OPCML: variants seen among roughly 807,000 people sequenced by gnomAD.
The protein encoded by OPCML is opioid-binding protein/cell adhesion molecule.
OPCML carries 13 observed loss-of-function variants against 37.8 expected under a neutral mutation model. The observed-to-expected ratio is 0.34, with a 90% confidence interval of 0.22 to 0.55. The LOEUF (loss-of-function observed/expected upper bound fraction) is 0.55. Ranked by LOEUF, OPCML falls within the 20% of genes least tolerant of loss-of-function variation. OPCML has a pLI of 0.91. For synonymous variants in OPCML, 176 were observed against 168.8 expected, an observed-to-expected ratio of 1.04 and a Z score of -0.33; for missense variants, 341 against 435.6, an observed-to-expected ratio of 0.78 and a Z score of 1.93.
intron 1 of OPCML, among the ~76,000 whole-genome samples, chr11:133,091,442 C>T (rs1048286258): frequency 1.3e-4 from 20 of 152,180 alleles, no homozygotes; most frequent in African/African-American, 4.8e-4. Context: ...CAGTCACGCA[C>T]CTCTTCAATA....
At chr11:132,862,482 GAA>G (rs11387928) in intron 2 of OPCML, among the ~76,000 whole-genome samples, 8 of 127,996 alleles carry the variant, frequency 6.3e-5, no homozygotes, top group Non-Finnish European at 6.6e-5. Context: ...TCATCTATAC[GAA>G]AAAAAAAAAA....
At chr11:132,681,593 C>T (rs1273307603) in intron 2 of OPCML, among the ~76,000 whole-genome samples, 4 of 152,164 alleles carry the variant, frequency 2.6e-5, no homozygotes, top group Non-Finnish European at 5.9e-5. Context: ...TTTCACCACC[C>T]TTCAGTTTGT....
intron 3 of OPCML, among the ~76,000 whole-genome samples, chr11:132,541,758 C>A (rs1337186460): frequency 1.3e-5 from 2 of 152,182 alleles, no homozygotes; most frequent in African/African-American, 2.4e-5. Context: ...TGACTGACTG[C>A]AGAACCCAAG....
At chr11:133,402,349 T>G (rs1945423478) in intron 1 of OPCML, among the ~76,000 whole-genome samples, 1 of 152,080 alleles carries the variant, frequency 6.6e-6, no homozygotes, top group African/African-American at 2.4e-5. Context: ...CTCTTAAAGG[T>G]CCTACCTCTC....
intron 1 of OPCML, among the ~76,000 whole-genome samples, chr11:133,407,954 C>T (rs568948252): frequency 4.3e-4 from 66 of 152,246 alleles, no homozygotes; most frequent in African/African-American, 1.5e-3. Flanking sequence ...TATTCTGGGC[C>T]GCACTTCTGG....
chr11:133,270,581 T>A (rs898813308), intron 1 of OPCML, among the ~76,000 whole-genome samples: 3 of 152,188 alleles, frequency 2.0e-5, no homozygotes, highest in African/African-American at 7.2e-5. Flanking sequence ...GATGTGTGCA[T>A]TCCCATAGCA....
At chr11:132,581,757 T>C (rs576351080) in intron 3 of OPCML, among the ~76,000 whole-genome samples, 2 of 152,098 alleles carry the variant, frequency 1.3e-5, no homozygotes, top group South Asian at 2.1e-4. Context: ...AGGCAATGTC[T>C]GCTGGGAGAA....
chr11:133,087,701 A>G (rs1948837905), intron 1 of OPCML, among the ~76,000 whole-genome samples: 1 of 152,240 alleles, frequency 6.6e-6, no homozygotes, highest in South Asian at 2.1e-4. Flanking sequence ...TATATCTAAC[A>G]TGCCAGCGTG....
intron 3 of OPCML, among the ~76,000 whole-genome samples, chr11:132,652,901 T>C (rs1447368283): frequency 6.6e-6 from 1 of 152,218 alleles, no homozygotes; most frequent in Non-Finnish European, 1.5e-5. Flanking sequence ...CTGCTCATTG[T>C]ACAAACATTT....
chr11:132,804,436 G>A (rs1308224886), intron 2 of OPCML, among the ~76,000 whole-genome samples: 7 of 152,172 alleles, frequency 4.6e-5, no homozygotes, highest in Non-Finnish European at 2.9e-5. Flanking sequence ...GTCTGTGGCT[G>A]AGGGAGTCCC....
chr11:133,040,454 C>T (rs959430532), intron 1 of OPCML, among the ~76,000 whole-genome samples: 2 of 152,236 alleles, frequency 1.3e-5, no homozygotes, highest in South Asian at 2.1e-4. Flanking sequence ...AGCCTTTCCC[C>T]ATCTGGCCCC....
chr11:132,480,455 C>A (rs1023664085), intron 4 of OPCML, among the ~76,000 whole-genome samples: 5 of 152,260 alleles, frequency 3.3e-5, no homozygotes, highest in South Asian at 4.1e-4. Context: ...GCAGGATATT[C>A]TCCAGGAGAA....
chr11:132,864,591 G>T (rs1942451462), intron 2 of OPCML, among the ~76,000 whole-genome samples: 1 of 152,148 alleles, frequency 6.6e-6, no homozygotes. Flanking sequence ...CTCTGCCATT[G>T]GTCATCTATA....
chr11:132,960,735 C>G (rs988069943), intron 1 of OPCML, among the ~76,000 whole-genome samples: 2 of 152,238 alleles, frequency 1.3e-5, no homozygotes, highest in Non-Finnish European at 2.9e-5. Flanking sequence ...GCTTTCGAAT[C>G]TCCCCCACCC....
intron 4 of OPCML, among the ~76,000 whole-genome samples, chr11:132,506,908 GA>G (rs988912381): frequency 4.0e-5 from 6 of 151,252 alleles, no homozygotes; most frequent in Admixed American, 1.3e-4. Context: ...CCATTATAAT[GA>G]AAAAAAGGCT....
At chr11:133,009,223 G>C in intron 1 of OPCML, 4 of 985,324 alleles carry the variant, frequency 4.1e-6, no homozygotes, top group Non-Finnish European at 4.8e-6. Context: ...TGATCTCAGG[G>C]AACTTCAAGT....
intron 2 of OPCML, among the ~76,000 whole-genome samples, chr11:132,769,190 A>T (rs1946556302): frequency 6.6e-6 from 1 of 151,302 alleles, no homozygotes; most frequent in Non-Finnish European, 1.5e-5. Context: ...GAAAGAAGTG[A>T]TAACTATGCT....
chr11:132,668,767 A>G (rs565932577), intron 2 of OPCML, among the ~76,000 whole-genome samples: 1 of 152,326 alleles, frequency 6.6e-6, no homozygotes, highest in East Asian at 1.9e-4. Context: ...AGAAATTTAC[A>G]TTTTTAGCAT....
At chr11:133,231,470 C>T (rs1188533395) in intron 1 of OPCML, among the ~76,000 whole-genome samples, 1 of 152,152 alleles carries the variant, frequency 6.6e-6, no homozygotes, top group African/African-American at 2.4e-5. Flanking sequence ...GAAGATGTCA[C>T]GTCTTGTTGG....
Sources: gnomAD v4.1 joint callset for allele counts (sites outside exome capture counted in the v4.1 genomes callset) on GRCh38, gnomAD v4.1.1 for gene constraint, MANE v1.5 for transcripts, NCBI Gene and HGNC (gene_info 2026-07-23, HGNC 2026-07-21) for gene names.